NRF1: variants seen among roughly 807,000 people sequenced by gnomAD.
The protein encoded by NRF1 is nuclear respiratory factor 1.
A neutral mutation model predicts 58.5 loss-of-function variants in NRF1; 5 were observed. That is an observed-to-expected ratio of 0.09 (90% CI 0.04 to 0.18). The LOEUF (loss-of-function observed/expected upper bound fraction) is 0.18. NRF1 is among the 10% of genes least tolerant of loss of function. The probability of loss-of-function intolerance (pLI) is 1.00; values close to 1 mark genes in which losing one functional copy is unlikely to be tolerated. For synonymous variants in NRF1, 224 were observed against 246.7 expected (o/e 0.91, Z 0.86); for missense variants, 288 against 657.7 (o/e 0.44, Z 6.15).
At chr7:129,636,274 G>T (rs1290945663) in intron 1 of NRF1, among the ~76,000 whole-genome samples, 1 of 152,010 alleles carries the variant, frequency 6.6e-6, no homozygotes, top group African/African-American at 2.4e-5. Context: ...TCACTGTGTT[G>T]CCCAGGCTGG....
chr7:129,750,772 T>C, intron 10 of NRF1, among the ~76,000 whole-genome samples: 1 of 152,212 alleles, frequency 6.6e-6, no homozygotes, highest in East Asian at 1.9e-4. Context: ...AACAGCTTTA[T>C]TTGGGTGAGT....
At position 129,755,542 on chromosome 7, in the gene NRF1, TATAC is replaced by T. The variant is rs1221420469; in HGVS notation, c.*365_*368del. 2.4e-4 allele frequency: 1 copy of T among 4,082 alleles called. No individual in the cohort carries two copies. The highest frequency in any genetic ancestry group is 5.9e-4 in the African/African-American group (1 of 1,704). The allele number at this position is 4,082 out of a possible 1,614,324, so 0.3% of individuals were successfully genotyped here. On this transcript the variant is annotated 3_prime_UTR_variant, in exon 11 of 11. Transcript: ENST00000393232. The surrounding 1 kb of genome is among the most constrained non-coding windows in gnomAD (Gnocchi z 5.8). ...CATTTACATATATATAAAGTATATA[TATAC>T]ATATATATATATATATATGTATGAA... is the stretch of plus-strand genomic sequence containing the variant.
intron 1 of NRF1, among the ~76,000 whole-genome samples, chr7:129,612,114 C>T (rs1227755114): frequency 1.3e-5 from 2 of 150,518 alleles, no homozygotes; most frequent in Non-Finnish European, 3.0e-5. Context: ...TCCTCCGCCG[C>T]CTGGGGCTCT....
chr7:129,666,118 A>G (rs144524272), intron 2 of NRF1, among the ~76,000 whole-genome samples: 59 of 152,344 alleles, frequency 3.9e-4, no homozygotes, highest in Non-Finnish European at 3.4e-4. Context: ...CAAGATTGAC[A>G]TAACAAATGC....
intron 5 of NRF1, among the ~76,000 whole-genome samples, chr7:129,696,283 GATA>G (rs1484703865): frequency 6.6e-6 from 1 of 152,024 alleles, no homozygotes; most frequent in East Asian, 1.9e-4. Flanking sequence ...TGCAAAGTTT[GATA>G]ATGTTTCTGC....
chr7:129,631,159 G>A (rs1801039354), intron 1 of NRF1, among the ~76,000 whole-genome samples: 1 of 152,024 alleles, frequency 6.6e-6, no homozygotes, highest in Non-Finnish European at 1.5e-5. Flanking sequence ...ATAGAGTTGA[G>A]CGAGACTATA....
intron 1 of NRF1, among the ~76,000 whole-genome samples, chr7:129,649,748 T>C (rs778967342): frequency 1.8e-4 from 27 of 152,176 alleles, no homozygotes; most frequent in Non-Finnish European, 3.1e-4. Context: ...AAAGAAGGAC[T>C]TTTTAATTTA....
At chr7:129,660,119 C>T (rs1038993156) in intron 2 of NRF1, among the ~76,000 whole-genome samples, 3 of 152,116 alleles carry the variant, frequency 2.0e-5, no homozygotes, top group African/African-American at 7.2e-5. Context: ...CTTTTAAAAC[C>T]ATCAGATCTT....
chr7:129,722,288 G>C (rs1803345107), intron 9 of NRF1, among the ~76,000 whole-genome samples: 6 of 152,028 alleles, frequency 3.9e-5, no homozygotes, highest in Admixed American at 3.9e-4. Flanking sequence ...CTAGTCGGGA[G>C]GCTGAGGCAG....
At chr7:129,656,601 G>C (rs1801661912) in intron 1 of NRF1, among the ~76,000 whole-genome samples, 1 of 151,868 alleles carries the variant, frequency 6.6e-6, no homozygotes, top group Non-Finnish European at 1.5e-5. Flanking sequence ...TTGAGACAGA[G>C]TCTTGCTCTG....
In NRF1 at chr7:129,657,444, T is replaced by C. The variant is rs766923918; in HGVS notation, c.93T>C (p.Thr31=). 1.2e-6 allele frequency: 2 copies of C among 1,614,072 alleles called. No homozygotes were observed. The highest frequency in any genetic ancestry group is 1.7e-6 in the Non-Finnish European group (2 of 1,180,016). Residue 31 remains threonine (T), a synonymous_variant, in exon 2 of 11, where the codon ACT becomes ACC. Transcript: ENST00000393232. ...AAGTGCAGCAGGTCCATGTGGCTAC[T>C]TACACCGAGCATAGTATGCTGAGTG... is the stretch of plus-strand genomic sequence containing the variant. ...AQQVQQVHVA[T]YTEHSMLSAD...
intron 1 of NRF1, 88 bp downstream of exon 1, chr7:129,611,912 C>A (rs998743715): frequency 1.3e-5 from 2 of 148,762 alleles, no homozygotes; most frequent in African/African-American, 2.4e-5. Flanking sequence ...CGGCCCGCCC[C>A]GCAGCCGGCA....
chr7:129,650,806 T>C (rs1373914177), intron 1 of NRF1, among the ~76,000 whole-genome samples: 1 of 152,182 alleles, frequency 6.6e-6, no homozygotes, highest in Non-Finnish European at 1.5e-5. Context: ...GATATCTTGG[T>C]GATAGACTGT....
intron 5 of NRF1, among the ~76,000 whole-genome samples, chr7:129,702,532 A>G (rs1303368438): frequency 6.6e-6 from 1 of 152,204 alleles, no homozygotes; most frequent in Non-Finnish European, 1.5e-5. Context: ...CTCTGAACAG[A>G]GATCAGTACT....
At chr7:129,749,058 G>A (rs1226226569) in intron 10 of NRF1, among the ~76,000 whole-genome samples, 1 of 152,208 alleles carries the variant, frequency 6.6e-6, no homozygotes, top group East Asian at 1.9e-4. Flanking sequence ...AAACCTCATG[G>A]CCCCTTGTTT....
intron 2 of NRF1, among the ~76,000 whole-genome samples, chr7:129,663,146 T>A (rs1010298780): frequency 2.0e-5 from 3 of 152,210 alleles, no homozygotes; most frequent in African/African-American, 7.2e-5. Flanking sequence ...GTCTCCTATG[T>A]CTACTTCTTT....
intron 5 of NRF1, among the ~76,000 whole-genome samples, chr7:129,708,535 T>C (rs1488029951): frequency 6.6e-6 from 1 of 152,256 alleles, no homozygotes; most frequent in Admixed American, 6.5e-5. Context: ...TTTGTTTTCC[T>C]ATATTTTATA....
chr7:129,691,361 A>T (rs867322137), intron 5 of NRF1, among the ~76,000 whole-genome samples: 150 of 90,898 alleles, frequency 1.7e-3, no homozygotes, highest in African/African-American at 1.4e-3. Context: ...TATTATTATT[A>T]TTATTTTTTT....
intron 1 of NRF1, among the ~76,000 whole-genome samples, chr7:129,634,839 G>A (rs527993294): frequency 2.0e-5 from 3 of 152,306 alleles, no homozygotes; most frequent in Admixed American, 6.5e-5. Flanking sequence ...CCTTACTCAG[G>A]TATATTGATG....
Sources: allele counts gnomAD v4.1 joint callset (sites outside exome capture counted in the v4.1 genomes callset), GRCh38; gene constraint gnomAD v4.1.1; non-coding constraint Gnocchi (gnomAD v3.1); transcripts MANE v1.5; gene names NCBI Gene and HGNC (gene_info 2026-07-23, HGNC 2026-07-21).